IVD: variants seen among roughly 807,000 people sequenced by gnomAD.
The protein encoded by IVD is isovaleryl-CoA dehydrogenase, also known as isovaleryl-CoA dehydrogenase, mitochondrial.
A neutral mutation model predicts 51.3 loss-of-function variants in IVD; 31 were observed. The ratio of observed to expected loss-of-function variants is 0.60; its 90% confidence interval spans 0.45 to 0.81. IVD has a LOEUF of 0.81. Ranked by LOEUF, IVD falls within the 40% of genes least tolerant of loss-of-function variation. The pLI, the probability that IVD is intolerant of heterozygous loss-of-function variation, is 0.00. For synonymous variants in IVD, 205 were observed against 219.4 expected, an observed-to-expected ratio of 0.93 and a Z score of 0.58; for missense variants, 475 against 552.0, an observed-to-expected ratio of 0.86 and a Z score of 1.40.
downstream of IVD, among the ~76,000 whole-genome samples, chr15:40,429,332 G>A (rs1032449073): frequency 6.6e-6 from 1 of 152,226 alleles, no homozygotes; most frequent in African/African-American, 2.4e-5. Flanking sequence ...GGCATTTGCT[G>A]AGGGACTGTT....
At chr15:40,428,708 C>G (rs116278211), downstream of IVD, among the ~76,000 whole-genome samples, 2,393 of 152,256 alleles carry the variant, frequency 0.016, 51 homozygotes, top group African/African-American at 0.055. Context: ...ACCTCCTGTT[C>G]GGGACTCCTG....
At chr15:40,410,045 C>T (rs1408021966) in intron 3 of IVD, among the ~76,000 whole-genome samples, 16 of 152,066 alleles carry the variant, frequency 1.1e-4, no homozygotes, top group Non-Finnish European at 7.4e-5. Context: ...ACCGTGTTAG[C>T]CAGGATGGTC....
chr15:40,428,948 G>A (rs76273074), downstream of IVD, among the ~76,000 whole-genome samples: 235 of 151,972 alleles, frequency 1.5e-3, no homozygotes, highest in African/African-American at 5.4e-3. Context: ...CCTCAGTAAT[G>A]AGGACCCAGC....
rs771718284 is a variant in IVD, at chr15:40,416,117, A to G, written c.1000A>G (p.Met334Val). 2.2e-5 allele frequency: 35 copies of G among 1,614,126 alleles called. No homozygotes were observed. In the South Asian group the frequency reaches 3.8e-4, roughly 18 times the overall value. The change falls in exon 10 of 12, where the codon ATG becomes GTG. Residue 334 changes from methionine (M) to valine (V), a missense_variant. Transcript: ENST00000487418. ...GATGGCTGACATGTACACCCGCCTC[A>G]TGGCGTGTCGGCAGTATGTCTACAA... The part of the protein sequence containing the change: ...GKMADMYTRL[M>V]ACRQYVYNVA...
At chr15:40,424,481 A>C, downstream of IVD, 2 of 270,040 alleles carry the variant, frequency 7.4e-6, no homozygotes, top group Non-Finnish European at 1.4e-5. Context: ...ACCTTCCCTC[A>C]TTCCTCTGTC....
At chr15:40,429,841 C>A (rs2141426717) in intron 7 of IVD, among the ~76,000 whole-genome samples, 1 of 152,372 alleles carries the variant, frequency 6.6e-6, no homozygotes, top group East Asian at 1.9e-4. Flanking sequence ...GGGAAGCCAT[C>A]TGGACTGCCG....
chr15:40,415,255 G>A, intron 8 of IVD, 146 bp from the exon 9 acceptor site: 1 of 811,132 alleles, frequency 1.2e-6, no homozygotes, highest in Non-Finnish European at 2.1e-6. Context: ...CTGCACCTCT[G>A]GCCAGTCAGT....
At chr15:40,407,551 A>G in intron 1 of IVD, 85 bp from the exon 2 acceptor site, 1 of 948,652 alleles carries the variant, frequency 1.1e-6, no homozygotes. Context: ...TGTTTGGGGA[A>G]GTTACTTGTG....
At chr15:40,408,695 A>G (rs1237671854) in intron 3 of IVD, among the ~76,000 whole-genome samples, 1 of 152,152 alleles carries the variant, frequency 6.6e-6, no homozygotes, top group Admixed American at 6.5e-5. Flanking sequence ...TCACACCTGT[A>G]ATCCCAGCAC....
rs1892258661 is a variant in IVD at position 40,421,095 on chromosome 15, C to T, written c.*2832C>T. 2.0e-6 allele frequency: 2 copies of T among 985,292 alleles called. No homozygotes were observed. Among genetic ancestry groups the T allele is most frequent in the Middle Eastern group, 5.2e-4 (1 of 1,936 alleles). 61.0% of individuals were successfully genotyped at this position (985,292 alleles called of 1,614,324 possible). On this transcript the variant is annotated 3_prime_UTR_variant, in exon 12 of 12. Coordinates refer to ENST00000487418, the MANE Select transcript of IVD (RefSeq NM_002225.5). The stretch of plus-strand genomic sequence containing the variant: ...CAGTCCCTTTCACTTCCTTGTCTTG[C>T]TCCCTGCTATGTTGGAGATGAATGT...
downstream of IVD, chr15:40,424,019 C>CA: frequency 2.3e-6 from 1 of 435,416 alleles, no homozygotes. Context: ...GGGGGCCGTT[C>CA]CAGAATTTGG....
At chr15:40,428,765 C>G (rs1262901304), downstream of IVD, among the ~76,000 whole-genome samples, 2 of 152,190 alleles carry the variant, frequency 1.3e-5, no homozygotes, top group African/African-American at 4.8e-5. Context: ...CCTGGAAGTG[C>G]CCCAGAATGT....
rs1892247400 is a variant in IVD at position 40,420,973 on chromosome 15, A to C, written c.*2710A>C. 7 of 985,476 alleles carry C rather than the reference A, an allele frequency of 7.1e-6. No individual in the cohort carries two copies. The highest frequency in any genetic ancestry group is 8.4e-6 in the Non-Finnish European group (7 of 829,958). 61.0% of individuals were successfully genotyped at this position (985,476 alleles called of 1,614,324 possible). A position where few individuals can be genotyped will look rare whatever the true frequency, so the allele number is the denominator to read the frequency against. ...GGCTCTTGGTCCTGGCCTGCAGCCA[A>C]GTGCTGTTCCTAGCCTGAGGCTTGA... is the stretch of plus-strand genomic sequence containing the variant. On this transcript the variant is annotated 3_prime_UTR_variant, in exon 12 of 12. Coordinates refer to ENST00000487418, the MANE Select transcript of IVD (RefSeq NM_002225.5).
At chr15:40,413,841 C>T (rs1384762964) in intron 7 of IVD, among the ~76,000 whole-genome samples, 1 of 151,948 alleles carries the variant, frequency 6.6e-6, no homozygotes, top group Non-Finnish European at 1.5e-5. Flanking sequence ...CAGGCATGCG[C>T]CACCCTGCCC....
chr15:40,423,099 A>G (rs373914177), downstream of IVD, among the ~76,000 whole-genome samples: 1 of 131,952 alleles, frequency 7.6e-6, no homozygotes, highest in African/African-American at 2.8e-5. Context: ...CCACCATGCC[A>G]GACTAATTTT....
chr15:40,423,321 C>T (rs1009867538), downstream of IVD, among the ~76,000 whole-genome samples: 1 of 152,138 alleles, frequency 6.6e-6, no homozygotes, highest in Non-Finnish European at 1.5e-5. Flanking sequence ...AATAAAAGTC[C>T]CCTGTCCCTC....
At chr15:40,430,550 G>A (rs137947184) in intron 7 of IVD, among the ~76,000 whole-genome samples, 29 of 152,306 alleles carry the variant, frequency 1.9e-4, no homozygotes, top group African/African-American at 6.7e-4. Flanking sequence ...CCTCTGACTG[G>A]GGCAGAGTGG....
At chr15:40,416,427 A>T in intron 11 of IVD, 65 bp downstream of exon 11, 1 of 1,519,382 alleles carries the variant, frequency 6.6e-7, no homozygotes, top group Non-Finnish European at 9.1e-7. Flanking sequence ...CTGCTTCAGA[A>T]AGCAGTTTCA....
At position 40,420,025 on chromosome 15, in the gene IVD, A is replaced by T; in HGVS notation, c.*1762A>T. The T allele has an allele frequency of 3.8e-6, 2 of 529,432 alleles. No homozygotes were observed. The highest frequency in any genetic ancestry group is 1.6e-4 in the South Asian group (2 of 12,232). 32.8% of individuals were successfully genotyped at this position (529,432 alleles called of 1,614,324 possible). ...AGACTGAGGCAGGAGAATCGCTTGA[A>T]CGCAGGAGGCAGAGGTTGCAGGAGC... On this transcript the variant is annotated 3_prime_UTR_variant, in exon 12 of 12. Coordinates refer to ENST00000487418, the MANE Select transcript of IVD (RefSeq NM_002225.5).
Sources: gnomAD v4.1 joint callset for allele counts (sites outside exome capture counted in the v4.1 genomes callset) on GRCh38, gnomAD v4.1.1 for gene constraint, MANE v1.5 for transcripts, NCBI Gene and HGNC (gene_info 2026-07-23, HGNC 2026-07-21) for gene names.